SAMD5: variants seen among roughly 807,000 people sequenced by gnomAD.
SAMD5 encodes sterile alpha motif domain containing 5.
In SAMD5, 13 loss-of-function variants were observed where a neutral mutation model predicts 11.3. The observed-to-expected ratio is 1.15, with a 90% CI of 0.75 to 1.83. The LOEUF (loss-of-function observed/expected upper bound fraction) is 1.83, where lower values mean the gene tolerates loss of function less well. SAMD5 is among the 40% of genes most tolerant of loss of function. The probability of loss-of-function intolerance (pLI) is 0.00; values close to 1 mark genes in which losing one functional copy is unlikely to be tolerated. For synonymous variants in SAMD5, 129 were observed against 111.3 expected, an observed-to-expected ratio of 1.16 and a Z score of -1.00; for missense variants, 255 against 239.1, an observed-to-expected ratio of 1.07 and a Z score of -0.44.
intron 1 of SAMD5, among the ~76,000 whole-genome samples, chr6:147,679,112 CAAAT>C (rs56102363): frequency 0.43 from 65,203 of 151,600 alleles, 15,291 homozygotes; most frequent in Admixed American, 0.53. Context: ...GTGATTATTA[CAAAT>C]AAATCTATGA....
chr6:147,897,028 C>T, the SAMD5 span, among the ~76,000 whole-genome samples: 1 of 152,040 alleles, frequency 6.6e-6, no homozygotes, highest in East Asian at 1.9e-4. Context: ...GGGGAAGTGA[C>T]TGCTAATGGG....
chr6:147,876,614 T>C, the SAMD5 span, among the ~76,000 whole-genome samples: 1 of 152,210 alleles, frequency 6.6e-6, no homozygotes. Context: ...TAAATTCTAT[T>C]ATCTGCAGTA....
chr6:147,948,201 T>G, the SAMD5 span, among the ~76,000 whole-genome samples: 1 of 152,014 alleles, frequency 6.6e-6, no homozygotes, highest in Non-Finnish European at 1.5e-5. Flanking sequence ...TTTCTAGATA[T>G]GTTGTTGATA....
intron 1 of SAMD5, among the ~76,000 whole-genome samples, chr6:147,587,437 A>G (rs1789389994): frequency 6.6e-6 from 1 of 152,062 alleles, no homozygotes. Flanking sequence ...GGATTTCATC[A>G]TGACAGCCAG....
intron 1 of SAMD5, among the ~76,000 whole-genome samples, chr6:147,714,375 A>C (rs532741568): frequency 6.6e-6 from 1 of 152,322 alleles, no homozygotes; most frequent in Non-Finnish European, 1.5e-5. Flanking sequence ...GGCATCCCAA[A>C]GAGAGTTCCA....
At chr6:147,863,984 C>T in the SAMD5 span, among the ~76,000 whole-genome samples, 1 of 151,826 alleles carries the variant, frequency 6.6e-6, no homozygotes, top group South Asian at 2.1e-4. Flanking sequence ...GCTGGGATTA[C>T]AGGCACGCAC....
chr6:147,843,298 A>T, the SAMD5 span, among the ~76,000 whole-genome samples: 12 of 152,370 alleles, frequency 7.9e-5, no homozygotes, highest in South Asian at 2.5e-3. Flanking sequence ...AAAGTGAAAG[A>T]TCTGTATACT....
intron 1 of SAMD5, among the ~76,000 whole-genome samples, chr6:147,616,888 C>T (rs1297104781): frequency 6.6e-6 from 1 of 152,138 alleles, no homozygotes; most frequent in Non-Finnish European, 1.5e-5. Flanking sequence ...AAAACCACTG[C>T]CATGATTTAA....
At chr6:147,817,242 G>A in the SAMD5 span, among the ~76,000 whole-genome samples, 1 of 152,196 alleles carries the variant, frequency 6.6e-6, no homozygotes, top group Non-Finnish European at 1.5e-5. Flanking sequence ...CTTGCATGTA[G>A]TAGAAATTCA....
the SAMD5 span, among the ~76,000 whole-genome samples, chr6:147,891,476 T>A: frequency 3.9e-5 from 6 of 152,202 alleles, no homozygotes; most frequent in South Asian, 1.2e-3. Flanking sequence ...TAGAGGAACA[T>A]AATAGAATTT....
chr6:147,730,074 C>CCCAA, intron 1 of SAMD5: 1 of 305,112 alleles, frequency 3.3e-6, no homozygotes, highest in Non-Finnish European at 6.0e-6. Context: ...GACTCTGTCT[C>CCCAA]AAAAAAAAAA....
chr6:147,827,422 G>A, the SAMD5 span, among the ~76,000 whole-genome samples: 9 of 150,376 alleles, frequency 6.0e-5, no homozygotes, highest in Non-Finnish European at 8.9e-5. Flanking sequence ...AGGAATGGGC[G>A]AAAAAAAAAT....
At chr6:147,642,507 T>C (rs952099177) in intron 1 of SAMD5, among the ~76,000 whole-genome samples, 1 of 152,216 alleles carries the variant, frequency 6.6e-6, no homozygotes, top group African/African-American at 2.4e-5. Flanking sequence ...TGAATTACCC[T>C]GCTCATGTTC....
At chr6:147,657,858 C>T (rs1790593389) in intron 1 of SAMD5, among the ~76,000 whole-genome samples, 1 of 152,160 alleles carries the variant, frequency 6.6e-6, no homozygotes, top group Non-Finnish European at 1.5e-5. Context: ...AATATCATCC[C>T]CTTGATGGTT....
intron 1 of SAMD5, among the ~76,000 whole-genome samples, chr6:147,620,495 A>G (rs1473199934): frequency 6.6e-6 from 1 of 152,224 alleles, no homozygotes; most frequent in Non-Finnish European, 1.5e-5. Flanking sequence ...TTCTGCCTTC[A>G]AAGAATTTAC....
chr6:147,734,326 T>C (rs187479881), intron 1 of SAMD5, among the ~76,000 whole-genome samples: 64 of 152,340 alleles, frequency 4.2e-4, no homozygotes, highest in African/African-American at 1.5e-3. Context: ...AAACTGACTT[T>C]ACATTGACTC....
At chr6:147,682,927 G>A (rs73011973) in intron 1 of SAMD5, among the ~76,000 whole-genome samples, 17,357 of 152,140 alleles carry the variant, frequency 0.11, 1,082 homozygotes, top group Middle Eastern at 0.16. Context: ...TAAAAATCCA[G>A]TGAAAAATAG....
chr6:147,736,232 G>A (rs1353889500), intron 1 of SAMD5, among the ~76,000 whole-genome samples: 2 of 152,134 alleles, frequency 1.3e-5, no homozygotes, highest in African/African-American at 2.4e-5. Context: ...GACTAAGCGA[G>A]TTGATAATGT....
the SAMD5 span, among the ~76,000 whole-genome samples, chr6:147,901,264 T>C: frequency 2.6e-5 from 4 of 152,280 alleles, no homozygotes; most frequent in African/African-American, 7.2e-5. Flanking sequence ...TTATGGTTTA[T>C]ACATCCATAC....
Sources: allele counts gnomAD v4.1 joint callset (sites outside exome capture counted in the v4.1 genomes callset), GRCh38; gene constraint gnomAD v4.1.1; transcripts MANE v1.5; gene names NCBI Gene and HGNC (gene_info 2026-07-23, HGNC 2026-07-21).